The following PRELID2 variants were observed in gnomAD, a reference collection of about 807,000 sequenced individuals.
PRELID2 encodes the protein PRELI domain-containing protein 2.
A neutral mutation model predicts 28.4 loss-of-function variants in PRELID2; 25 were observed. The ratio of observed to expected loss-of-function variants is 0.88; its 90% confidence interval spans 0.64 to 1.23. The LOEUF (loss-of-function observed/expected upper bound fraction) is 1.23. PRELID2 is among the 50% of genes most tolerant of loss of function. The probability of loss-of-function intolerance (pLI) is 0.00; values close to 1 mark genes in which losing one functional copy is unlikely to be tolerated. For synonymous variants in PRELID2, 76 were observed against 71.6 expected (o/e 1.06, Z -0.31); for missense variants, 201 against 214.4 (o/e 0.94, Z 0.39).
chr5:145,312,967 A>T, the PRELID2 span, among the ~76,000 whole-genome samples: 1 of 152,104 alleles, frequency 6.6e-6, no homozygotes, highest in Non-Finnish European at 1.5e-5. Flanking sequence ...GAAATCTATA[A>T]ATTCAGTGCA....
At chr5:145,378,842 T>C in the PRELID2 span, among the ~76,000 whole-genome samples, 1 of 152,200 alleles carries the variant, frequency 6.6e-6, no homozygotes, top group Non-Finnish European at 1.5e-5. Context: ...GATGCAGTTA[T>C]TTGAAGAAAA....
chr5:145,235,366 G>T, the PRELID2 span, among the ~76,000 whole-genome samples: 1 of 152,144 alleles, frequency 6.6e-6, no homozygotes, highest in Non-Finnish European at 1.5e-5. Flanking sequence ...TCAAAATGGT[G>T]TAACTTACTC....
At chr5:145,689,297 T>TAA (rs112706537) in intron 1 of PRELID2, among the ~76,000 whole-genome samples, 1,692 of 150,772 alleles carry the variant, frequency 0.011, 35 homozygotes, top group African/African-American at 0.039. Context: ...CTTAGAGTGT[T>TAA]AAAAAAAAGA....
intron 1 of PRELID2, among the ~76,000 whole-genome samples, chr5:145,635,213 C>G (rs190054501): frequency 6.6e-4 from 101 of 152,270 alleles, no homozygotes; most frequent in Non-Finnish European, 1.2e-3. Flanking sequence ...GTCTCTTCAA[C>G]TGAAACATAA....
At chr5:145,413,009 T>C in the PRELID2 span, among the ~76,000 whole-genome samples, 9 of 151,940 alleles carry the variant, frequency 5.9e-5, no homozygotes, top group Non-Finnish European at 1.3e-4. Flanking sequence ...TCTTGACCTG[T>C]CCCCCCTTGA....
intron 3 of PRELID2, among the ~76,000 whole-genome samples, chr5:145,818,870 T>C (rs1429883752): frequency 6.6e-6 from 1 of 152,214 alleles, no homozygotes; most frequent in Non-Finnish European, 1.5e-5. Flanking sequence ...ATGGTTTGGC[T>C]GTGTCCCCTC....
chr5:145,506,287 G>A (rs1469937676), intron 1 of PRELID2, among the ~76,000 whole-genome samples: 1 of 152,076 alleles, frequency 6.6e-6, no homozygotes. Flanking sequence ...CCAGTTCAGA[G>A]ATTTTGTTCC....
chr5:145,429,425 G>C, the PRELID2 span, among the ~76,000 whole-genome samples: 2 of 152,126 alleles, frequency 1.3e-5, no homozygotes, highest in African/African-American at 2.4e-5. Flanking sequence ...AAACCATCTG[G>C]GGGAGAGGAA....
At chr5:145,462,377 A>T in the PRELID2 span, among the ~76,000 whole-genome samples, 7 of 152,348 alleles carry the variant, frequency 4.6e-5, no homozygotes, top group East Asian at 1.3e-3. Context: ...TTACCATGTC[A>T]ATCATTGTTC....
At chr5:145,623,229 T>C (rs868581331) in intron 1 of PRELID2, among the ~76,000 whole-genome samples, 1 of 151,446 alleles carries the variant, frequency 6.6e-6, no homozygotes, top group African/African-American at 2.4e-5. Flanking sequence ...AGTGGGCAGA[T>C]CATGAGGTCA....
the PRELID2 span, among the ~76,000 whole-genome samples, chr5:145,365,591 G>A: frequency 2.0e-5 from 3 of 151,944 alleles, no homozygotes; most frequent in African/African-American, 7.2e-5. Context: ...CTTGGGCTCA[G>A]TGTGCAGCAG....
chr5:145,292,032 ACAG>A, the PRELID2 span, among the ~76,000 whole-genome samples: 1 of 152,120 alleles, frequency 6.6e-6, no homozygotes, highest in East Asian at 1.9e-4. Context: ...TATGTTTGCA[ACAG>A]CAGATTTTAT....
chr5:145,633,689 C>T (rs1263019735), intron 1 of PRELID2, among the ~76,000 whole-genome samples: 2 of 152,164 alleles, frequency 1.3e-5, no homozygotes, highest in Non-Finnish European at 2.9e-5. Flanking sequence ...TTCACAAGTG[C>T]ACTCAATTGC....
the PRELID2 span, among the ~76,000 whole-genome samples, chr5:145,425,214 C>G: frequency 6.6e-6 from 1 of 152,178 alleles, no homozygotes; most frequent in Non-Finnish European, 1.5e-5. Flanking sequence ...GAGATACCAT[C>G]TCATGCCAGT....
chr5:145,822,521 A>G (rs760584767), intron 2 of PRELID2, among the ~76,000 whole-genome samples: 2 of 152,202 alleles, frequency 1.3e-5, no homozygotes, highest in East Asian at 1.9e-4. Context: ...TGATTTAGTC[A>G]ATGCTAAACC....
intron 5 of PRELID2, among the ~76,000 whole-genome samples, chr5:145,765,507 G>C (rs1029857829): frequency 6.6e-6 from 1 of 151,990 alleles, no homozygotes; most frequent in Non-Finnish European, 1.5e-5. Flanking sequence ...GCCAAAGGGA[G>C]CTGCCTTACC....
chr5:145,376,550 T>C, the PRELID2 span, among the ~76,000 whole-genome samples: 3 of 152,262 alleles, frequency 2.0e-5, no homozygotes, highest in Non-Finnish European at 4.4e-5. Flanking sequence ...GTTTGTAGGC[T>C]ATTACTGACT....
In PRELID2 at chr5:145,759,731, T is replaced by C. The variant is rs1757381392; in HGVS notation, c.*805A>G. ...TAAAACCCTGCACAAAATTACCTTCTTTAATCATCATAACGCATTGGCGGA... is the reference window on the plus strand; with the variant it reads ...TAAAACCCTGCACAAAATTACCTTCCTTAATCATCATAACGCATTGGCGGA... On this transcript the variant is annotated 3_prime_UTR_variant, in exon 7 of 7. Coordinates refer to ENST00000683046, the MANE Select transcript of PRELID2 (RefSeq NM_205846.3). 1 of 152,262 alleles carries C rather than the reference T, an allele frequency of 6.6e-6. No individual in the cohort carries two copies. Among genetic ancestry groups the C allele is most frequent in the African/African-American group, 2.4e-5 (1 of 41,474 alleles). The allele number at this position is 152,262 out of a possible 1,614,324, so 9.4% of individuals were successfully genotyped here.
chr5:145,517,288 C>T (rs10064040), intron 1 of PRELID2, among the ~76,000 whole-genome samples: 27 of 148,874 alleles, frequency 1.8e-4, no homozygotes, highest in Non-Finnish European at 2.5e-4. Flanking sequence ...AAGAAATTTA[C>T]GAGAAAAAAA....
Sources: gnomAD v4.1 joint callset for allele counts (sites outside exome capture counted in the v4.1 genomes callset) on GRCh38, gnomAD v4.1.1 for gene constraint, MANE v1.5 for transcripts, NCBI Gene and HGNC (gene_info 2026-07-23, HGNC 2026-07-21) for gene names.